The following ALK variants were observed in gnomAD, a reference collection of about 807,000 sequenced individuals.
ALK encodes the protein ALK tyrosine kinase receptor.
A neutral mutation model predicts 163.1 loss-of-function variants in ALK; 74 were observed. The observed-to-expected ratio is 0.45, with a 90% CI of 0.38 to 0.55. The LOEUF (loss-of-function observed/expected upper bound fraction) is 0.55. ALK is among the 20% of genes least tolerant of loss of function. ALK has a pLI of 0.00. For missense variants in ALK, 2,063 were observed against 2,105.3 expected (o/e 0.98, Z 0.39); for synonymous variants, 960 against 843.2 (o/e 1.14, Z -2.40).
chr2:29,679,094 G>T (rs978425414), intron 3 of ALK, among the ~76,000 whole-genome samples: 2 of 151,738 alleles, frequency 1.3e-5, no homozygotes. Context: ...TCTTCCTGGT[G>T]AATTGACATT....
chr2:29,305,847 T>G (rs1666494630), intron 8 of ALK, among the ~76,000 whole-genome samples: 1 of 152,046 alleles, frequency 6.6e-6, no homozygotes, highest in Non-Finnish European at 1.5e-5. Flanking sequence ...TCTATTATTA[T>G]TACATTGTAA....
intron 2 of ALK, among the ~76,000 whole-genome samples, chr2:29,700,515 G>C (rs1241693504): frequency 6.6e-5 from 10 of 152,194 alleles, no homozygotes; most frequent in Non-Finnish European, 1.0e-4. Context: ...TTGCACTCCA[G>C]CCTGGGCAAC....
intron 1 of ALK, among the ~76,000 whole-genome samples, chr2:29,817,801 A>T (rs1664937662): frequency 6.6e-6 from 1 of 152,232 alleles, no homozygotes; most frequent in African/African-American, 2.4e-5. Flanking sequence ...GAGCCCCCTG[A>T]TGCGGAAATG....
At chr2:29,891,880 T>C (rs1454363811) in intron 1 of ALK, among the ~76,000 whole-genome samples, 1 of 152,304 alleles carries the variant, frequency 6.6e-6, no homozygotes, top group African/African-American at 2.4e-5. Flanking sequence ...TGTACAATGC[T>C]AGCATCAAGA....
intron 8 of ALK, among the ~76,000 whole-genome samples, chr2:29,317,275 A>T (rs539304137): frequency 6.6e-6 from 1 of 152,358 alleles, no homozygotes; most frequent in South Asian, 2.1e-4. Context: ...TGAGCCAGAC[A>T]GGAATTTCTC....
At position 29,227,676 on chromosome 2, in the gene ALK, A is replaced by T. The variant is rs1460977682; in HGVS notation, c.2816-4T>A. ...TTGTTTGAGGCTGCATTGCCGCCTGAGTAGCAAACCAGAGCAGAGTTTAAC... is the reference window on the plus strand; with the variant it reads ...TTGTTTGAGGCTGCATTGCCGCCTGTGTAGCAAACCAGAGCAGAGTTTAAC... On this transcript the variant is annotated splice_polypyrimidine_tract_variant and splice_region_variant and intron_variant, in intron 16 of 28. Coordinates refer to ENST00000389048, the MANE Select transcript of ALK (RefSeq NM_004304.5). This position sits in a 1 kb window ranked among gnomAD's most constrained non-coding sequence, Gnocchi z 4.4. 10 of 1,613,212 alleles carry T rather than the reference A, an allele frequency of 6.2e-6. No individual in the cohort carries two copies. Among genetic ancestry groups the T allele is most frequent in the Non-Finnish European group, 8.5e-6 (10 of 1,179,534 alleles).
At chr2:29,388,673 G>T (rs1669089796) in intron 4 of ALK, among the ~76,000 whole-genome samples, 1 of 152,218 alleles carries the variant, frequency 6.6e-6, no homozygotes, top group Non-Finnish European at 1.5e-5. Flanking sequence ...TCCATAAGCG[G>T]AGCTATTCCT....
At chr2:29,266,367 T>G (rs1665220387) in intron 11 of ALK, among the ~76,000 whole-genome samples, 1 of 152,212 alleles carries the variant, frequency 6.6e-6, no homozygotes, top group Non-Finnish European at 1.5e-5. Context: ...TAGAATTTCG[T>G]GTATACACAA....
At chr2:29,671,176 G>A (rs959099566) in intron 3 of ALK, among the ~76,000 whole-genome samples, 8 of 151,856 alleles carry the variant, frequency 5.3e-5, no homozygotes, top group African/African-American at 1.2e-4. Context: ...TTACCTATAG[G>A]TTGCTGCCTC....
chr2:29,758,266 T>A (rs1680596366), intron 1 of ALK, among the ~76,000 whole-genome samples: 1 of 152,086 alleles, frequency 6.6e-6, no homozygotes. Context: ...TGCCTCAGCC[T>A]CTCAAGGTGT....
intron 12 of ALK, among the ~76,000 whole-genome samples, chr2:29,249,092 C>T (rs762590740): frequency 2.6e-5 from 4 of 152,198 alleles, no homozygotes; most frequent in African/African-American, 7.2e-5. Context: ...AAAACAGAGT[C>T]TCAAGAGATT....
intron 3 of ALK, among the ~76,000 whole-genome samples, chr2:29,595,770 A>T (rs1247856009): frequency 6.6e-6 from 1 of 152,230 alleles, no homozygotes; most frequent in Non-Finnish European, 1.5e-5. Context: ...TACAAATTTT[A>T]AAACTAAGTA....
chr2:29,408,081 C>CTTTTTTTTTTTTTT (rs760683752), intron 4 of ALK, among the ~76,000 whole-genome samples: 4 of 140,850 alleles, frequency 2.8e-5, no homozygotes, highest in Admixed American at 6.9e-5. Context: ...AGGGAAAGTT[C>CTTTTTTTTTTTTTT]TTTTTCTTTT....
At position 29,532,075 on chromosome 2, in the gene ALK, T is replaced by C. The variant is rs1673135833; in HGVS notation, c.994A>G (p.Thr332Ala). ...LLNTSADSKH[T>A]ILSPWMRSSS... ...CTCCTCATCCACGGACTCAGGATGG[T>C]GTGCTTGGAGTCAGCTGAGGTGTTG... Residue 332 changes from threonine (T) to alanine (A), a missense_variant, in exon 4 of 29, where the codon ACC (threonine) becomes GCC (alanine). Thr to Ala is a moderately conservative substitution (Grantham distance 58, BLOSUM62 0). This residue lies in a region of ALK where 987 missense variants were observed against 939.5 expected (regional missense o/e 1.05). Coordinates refer to ENST00000389048, the MANE Select transcript of ALK (RefSeq NM_004304.5). The C allele has an allele frequency of 6.2e-7, 1 of 1,613,628 alleles. No homozygotes were observed. Among genetic ancestry groups the C allele is most frequent in the Non-Finnish European group, 8.5e-7 (1 of 1,179,968 alleles).
At chr2:29,330,720 T>C (rs1041739725) in intron 5 of ALK, among the ~76,000 whole-genome samples, 6 of 151,998 alleles carry the variant, frequency 3.9e-5, no homozygotes, top group African/African-American at 1.5e-4. Context: ...GTATGGGCAA[T>C]GTGATCACCA....
intron 1 of ALK, among the ~76,000 whole-genome samples, chr2:29,738,666 A>G (rs1679962356): frequency 6.6e-6 from 1 of 152,060 alleles, no homozygotes; most frequent in Non-Finnish European, 1.5e-5. Context: ...TCAAACAAGG[A>G]CTATTGAAAG....
intron 9 of ALK, among the ~76,000 whole-genome samples, chr2:29,281,554 G>C (rs1665719745): frequency 6.6e-6 from 1 of 152,224 alleles, no homozygotes; most frequent in Non-Finnish European, 1.5e-5. Context: ...TGCATGGGTT[G>C]TTGTTGCTTT....
chr2:29,684,401 A>G (rs541603932), intron 3 of ALK, among the ~76,000 whole-genome samples: 8 of 152,320 alleles, frequency 5.3e-5, no homozygotes, highest in African/African-American at 1.9e-4. Flanking sequence ...CTCTCAGCAC[A>G]GGGCTCCTTC....
intron 3 of ALK, among the ~76,000 whole-genome samples, chr2:29,616,688 C>T (rs560025668): frequency 6.6e-6 from 1 of 152,286 alleles, no homozygotes; most frequent in South Asian, 2.1e-4. Context: ...ATATCAGACT[C>T]CTCCTAACTC....
Sources: allele counts gnomAD v4.1 joint callset (sites outside exome capture counted in the v4.1 genomes callset), GRCh38; gene constraint gnomAD v4.1.1; regional missense constraint gnomAD v4.1.1; non-coding constraint Gnocchi (gnomAD v3.1); transcripts MANE v1.5; gene names NCBI Gene and HGNC (gene_info 2026-07-23, HGNC 2026-07-21).